PRH1: variants seen among roughly 807,000 people sequenced by gnomAD.
The protein encoded by PRH1 is salivary acidic proline-rich phosphoprotein 1/2.
In PRH1, 7 loss-of-function variants were observed where a neutral mutation model predicts 7.9. The ratio of observed to expected loss-of-function variants is 0.89; its 90% CI spans 0.50 to 1.67. The LOEUF (loss-of-function observed/expected upper bound fraction) is 1.67. PRH1 is among the 40% of genes most tolerant of loss of function. The pLI is 0.00. For synonymous variants in PRH1, 45 were observed against 80.8 expected (o/e 0.56, Z 2.38); for missense variants, 109 against 223.6 (o/e 0.49, Z 3.27).
At chr12:11,009,170 T>C (rs1387297630) in intron 1 of PRH1, among the ~76,000 whole-genome samples, 1 of 151,900 alleles carries the variant, frequency 6.6e-6, no homozygotes, top group Non-Finnish European at 1.5e-5. Flanking sequence ...AATATCATTT[T>C]TAATTTCTGT....
chr12:10,884,095 A>G (rs560192296), intron 1 of PRH1, 59 bp downstream of exon 1: 1 of 1,604,648 alleles, frequency 6.2e-7, no homozygotes. Flanking sequence ...TTCCTCCTCT[A>G]TAGCATTTGC....
At chr12:10,995,740 A>G (rs1940191518) in intron 1 of PRH1, among the ~76,000 whole-genome samples, 1 of 152,172 alleles carries the variant, frequency 6.6e-6, no homozygotes, top group Non-Finnish European at 1.5e-5. Context: ...AATATATAAC[A>G]TCAGATCTCA....
intron 1 of PRH1, among the ~76,000 whole-genome samples, chr12:11,027,182 T>C (rs891155268): frequency 1.3e-5 from 2 of 150,902 alleles, no homozygotes; most frequent in African/African-American, 4.9e-5. Flanking sequence ...GGGGAATCAC[T>C]TGAGCCCAGA....
At chr12:10,929,504 C>A (rs1950171957) in intron 2 of PRH1, among the ~76,000 whole-genome samples, 1 of 152,058 alleles carries the variant, frequency 6.6e-6, no homozygotes, top group South Asian at 2.1e-4. Context: ...CTCATCAAGA[C>A]CTCATAATTT....
intron 2 of PRH1, among the ~76,000 whole-genome samples, chr12:10,950,067 C>A (rs1950545953): frequency 1.3e-5 from 2 of 151,986 alleles, no homozygotes; most frequent in African/African-American, 4.8e-5. Flanking sequence ...TATATAAATT[C>A]TTTGTAAACA....
chr12:11,129,052 A>G (rs1350079603), intron 1 of PRH1, among the ~76,000 whole-genome samples: 1 of 152,140 alleles, frequency 6.6e-6, no homozygotes, highest in Non-Finnish European at 1.5e-5. Context: ...CTTCTCAACT[A>G]TTTGGAACTA....
chr12:10,939,870 G>A (rs1391498980), intron 2 of PRH1, among the ~76,000 whole-genome samples: 1 of 152,006 alleles, frequency 6.6e-6, no homozygotes, highest in Non-Finnish European at 1.5e-5. Flanking sequence ...AAAAATATTT[G>A]TTACCTGTTA....
chr12:11,154,950 G>A (rs1947209034), intron 1 of PRH1, among the ~76,000 whole-genome samples: 1 of 152,000 alleles, frequency 6.6e-6, no homozygotes, highest in South Asian at 2.1e-4. Flanking sequence ...CATTTTCTGA[G>A]CCCCAATAGT....
intron 1 of PRH1, among the ~76,000 whole-genome samples, chr12:11,147,087 C>T (rs113373445): frequency 1.4e-4 from 22 of 152,210 alleles, no homozygotes; most frequent in Admixed American, 5.2e-4. Flanking sequence ...TCACAATTTT[C>T]ACAAAACTTT....
chr12:11,017,451 T>A (rs373822978), intron 1 of PRH1, among the ~76,000 whole-genome samples: 1 of 149,500 alleles, frequency 6.7e-6, no homozygotes, highest in Non-Finnish European at 1.5e-5. Context: ...GGGTCCCATA[T>A]TCCTGGTCCA....
At chr12:11,009,300 T>C (rs142835168) in intron 1 of PRH1, among the ~76,000 whole-genome samples, 45 of 152,068 alleles carry the variant, frequency 3.0e-4, no homozygotes, top group Non-Finnish European at 5.9e-4. Context: ...TTTAACATAA[T>C]CTACCTTTCA....
intron 1 of PRH1, among the ~76,000 whole-genome samples, chr12:11,033,704 A>C (rs1378219429): frequency 6.6e-6 from 1 of 152,218 alleles, no homozygotes; most frequent in Non-Finnish European, 1.5e-5. Flanking sequence ...TTCCTATTTC[A>C]ACTATCTTAG....
At chr12:11,008,507 A>T (rs540137646) in intron 1 of PRH1, among the ~76,000 whole-genome samples, 2 of 152,132 alleles carry the variant, frequency 1.3e-5, no homozygotes, top group Admixed American at 6.6e-5. Context: ...TCCTGAGGTA[A>T]GCAATATCCA....
intron 1 of PRH1, among the ~76,000 whole-genome samples, chr12:11,143,674 G>A (rs565464040): frequency 2.0e-5 from 3 of 152,136 alleles, no homozygotes; most frequent in African/African-American, 7.2e-5. Flanking sequence ...GCCAAAAAAA[G>A]AGGAATAGCT....
chr12:10,924,356 C>T (rs1391788649), intron 2 of PRH1, among the ~76,000 whole-genome samples: 1 of 152,184 alleles, frequency 6.6e-6, no homozygotes, highest in Admixed American at 6.5e-5. Flanking sequence ...AGGCTTAAAA[C>T]AGCAGTTTAT....
At chr12:10,891,164 T>C (rs867799802) in intron 2 of PRH1, among the ~76,000 whole-genome samples, 43 of 152,254 alleles carry the variant, frequency 2.8e-4, no homozygotes, top group Middle Eastern at 3.4e-3. Context: ...CAGGGAAATA[T>C]AGAGAAAGTG....
intron 2 of PRH1, among the ~76,000 whole-genome samples, chr12:10,972,291 G>C (rs1346322380): frequency 6.6e-6 from 1 of 152,062 alleles, no homozygotes; most frequent in Non-Finnish European, 1.5e-5. Flanking sequence ...TCCCCCTTAA[G>C]GTCCTGACCT....
chr12:11,104,181 TAAAAA>T (rs760838136), intron 1 of PRH1, among the ~76,000 whole-genome samples: 5 of 49,590 alleles, frequency 1.0e-4, no homozygotes, highest in African/African-American at 2.5e-4. Flanking sequence ...AATGAAAGAG[TAAAAA>T]AAAAAAAAAA....
chr12:10,908,416 C>T, intron 2 of PRH1: 1 of 1,613,052 alleles, frequency 6.2e-7, no homozygotes, highest in African/African-American at 1.3e-5. Flanking sequence ...TTAGCTGCCA[C>T]CAAAAGAAAG....
Sources: allele counts gnomAD v4.1 joint callset (sites outside exome capture counted in the v4.1 genomes callset), GRCh38; gene constraint gnomAD v4.1.1; transcripts MANE v1.5; gene names NCBI Gene and HGNC (gene_info 2026-07-23, HGNC 2026-07-21).